Variants in NARS2 observed in about 807,000 individuals in gnomAD.
NARS2 encodes asparaginyl-tRNA synthetase 2, mitochondrial.
A neutral mutation model predicts 62.9 loss-of-function variants in NARS2; 60 were observed. That is an observed-to-expected ratio of 0.95 (90% CI 0.77 to 1.18). NARS2 has a LOEUF of 1.18. Among genes scored for constraint, NARS2 ranks in the 50% most tolerant of loss-of-function variants. The pLI, the probability that NARS2 is intolerant of heterozygous loss-of-function variation, is 0.00. For synonymous variants in NARS2, 196 were observed against 200.0 expected, an observed-to-expected ratio of 0.98 and a Z score of 0.17; for missense variants, 619 against 576.4, an observed-to-expected ratio of 1.07 and a Z score of -0.76.
Position 78,505,344 on chromosome 11 carries a change from T to A in NARS2, c.690-12149A>T, listed in dbSNP as rs549555066. Reference sequence around the variant, plus strand: ...CACACATACGTATGTATATATCTTATGTTAAAAGAGAAAAAGAAATTTCAG... The same window carrying A: ...CACACATACGTATGTATATATCTTAAGTTAAAAGAGAAAAAGAAATTTCAG... On this transcript the variant is annotated intron_variant, in intron 6 of 13. Transcript: ENST00000281038. Among the ~76,000 whole-genome samples, 28 of 150,480 alleles carry A rather than the reference T, an allele frequency of 1.9e-4. No individual in the cohort carries two copies. The South Asian group carries it at 5.5e-3, about 30-fold the overall frequency.
intron 6 of NARS2, among the ~76,000 whole-genome samples, chr11:78,512,346 T>C (rs1860750251): frequency 6.6e-6 from 1 of 152,244 alleles, no homozygotes; most frequent in African/African-American, 2.4e-5. Context: ...CAGCTATTTC[T>C]TCCTGGCCAC....
At chr11:78,519,489 AT>A (rs1177995916) in intron 6 of NARS2, among the ~76,000 whole-genome samples, 4 of 152,222 alleles carry the variant, frequency 2.6e-5, no homozygotes, top group African/African-American at 9.6e-5. Flanking sequence ...ATTGTTATAT[AT>A]TCTTCCAATC....
chr11:78,537,668 G>T (rs1271992583), intron 5 of NARS2, among the ~76,000 whole-genome samples: 1 of 152,172 alleles, frequency 6.6e-6, no homozygotes, highest in Non-Finnish European at 1.5e-5. Flanking sequence ...GTGCATGGAG[G>T]CACGTGCCTG....
At chr11:78,465,002 T>C (rs1858557175) in intron 11 of NARS2, among the ~76,000 whole-genome samples, 1 of 152,212 alleles carries the variant, frequency 6.6e-6, no homozygotes, top group Non-Finnish European at 1.5e-5. Context: ...TCAATGGGAC[T>C]GGGCGCCGTG....
intron 11 of NARS2, among the ~76,000 whole-genome samples, chr11:78,460,213 TA>T (rs1858340426): frequency 6.6e-6 from 1 of 151,544 alleles, no homozygotes; most frequent in East Asian, 1.9e-4. Context: ...GCTTTTATCC[TA>T]AGAGCAAAGG....
At chr11:78,487,199 T>A (rs553014073) in intron 7 of NARS2, among the ~76,000 whole-genome samples, 26 of 151,546 alleles carry the variant, frequency 1.7e-4, no homozygotes, top group South Asian at 1.5e-3. Context: ...CTGATAACAG[T>A]ACAAAAATTA....
At position 78,454,374 on chromosome 11, in the gene NARS2, G is replaced by C. The variant is rs576960758; in HGVS notation, c.1165-10616C>G. On this transcript the variant is annotated intron_variant, in intron 11 of 13. Coordinates refer to ENST00000281038, the MANE Select transcript of NARS2 (RefSeq NM_024678.6). ...CTCATGAATGGCGTTGTGCCATTCC[G>C]ATGGTAATGGCTTCTTGCTCTATTA... 2.0e-5 allele frequency among the ~76,000 whole-genome samples: 3 copies of C among 152,264 alleles called. No homozygotes were observed. In the East Asian group the frequency reaches 5.8e-4, roughly 29 times the overall value.
At chr11:78,548,112 G>A (rs139480933) in intron 5 of NARS2, among the ~76,000 whole-genome samples, 2 of 152,292 alleles carry the variant, frequency 1.3e-5, no homozygotes, top group East Asian at 1.9e-4. Context: ...CTACACAGGA[G>A]GCTGAGGTGG....
chr11:78,560,975 G>A (rs988270408), intron 4 of NARS2, among the ~76,000 whole-genome samples: 2 of 152,176 alleles, frequency 1.3e-5, no homozygotes, highest in Non-Finnish European at 2.9e-5. Flanking sequence ...AAGGAAACGA[G>A]GGTGGGGAAG....
chr11:78,574,307 G>C (rs1857037287), intron 1 of NARS2, 41 bp downstream of exon 1: 3 of 1,613,182 alleles, frequency 1.9e-6, no homozygotes, highest in Middle Eastern at 1.6e-4. Flanking sequence ...CCATATAAAA[G>C]TCCCTACAAG....
At chr11:78,562,556 T>C (rs1316064452) in intron 4 of NARS2, among the ~76,000 whole-genome samples, 1 of 152,154 alleles carries the variant, frequency 6.6e-6, no homozygotes, top group Non-Finnish European at 1.5e-5. Context: ...AAGAGCAGAA[T>C]CTTTTCTACT....
intron 7 of NARS2, among the ~76,000 whole-genome samples, chr11:78,486,970 T>C (rs1859600664): frequency 6.6e-6 from 1 of 152,180 alleles, no homozygotes; most frequent in Non-Finnish European, 1.5e-5. Context: ...TTTCACAGGA[T>C]GGGCTCATTA....
At chr11:78,574,288 G>A in intron 1 of NARS2, 60 bp downstream of exon 1, 4 of 1,602,510 alleles carry the variant, frequency 2.5e-6, no homozygotes, top group South Asian at 1.1e-5. Context: ...AAAGCTAGAT[G>A]TGGATGTGCC....
chr11:78,570,455 T>C (rs1354118236), intron 2 of NARS2, among the ~76,000 whole-genome samples: 2 of 152,214 alleles, frequency 1.3e-5, no homozygotes, highest in African/African-American at 2.4e-5. Context: ...TGGCAAGATC[T>C]TGGCTCACCA....
At position 78,539,876 on chromosome 11, in the gene NARS2, C is replaced by T. The variant is rs916018268; in HGVS notation, c.595-10940G>A. ...GCATTCATATAGTCTATCAACAAAA[C>T]CACGTGGATTTGAGCTATCTGATAA... On this transcript the variant is annotated intron_variant, in intron 5 of 13. Transcript: ENST00000281038. Among the ~76,000 whole-genome samples the T allele has an allele frequency of 2.6e-5, 4 of 152,168 alleles. No homozygotes were observed. In the East Asian group the frequency reaches 5.8e-4, roughly 22 times the overall value.
At chr11:78,454,150 C>T (rs1285074690) in intron 11 of NARS2, among the ~76,000 whole-genome samples, 2 of 152,174 alleles carry the variant, frequency 1.3e-5, no homozygotes, top group Non-Finnish European at 2.9e-5. Flanking sequence ...TAAACGGCAC[C>T]ACTCTACTTT....
chr11:78,449,980 T>C (rs1214245119), intron 11 of NARS2, among the ~76,000 whole-genome samples: 1 of 152,176 alleles, frequency 6.6e-6, no homozygotes, highest in Non-Finnish European at 1.5e-5. Flanking sequence ...TTGGGGCAGA[T>C]GGGAAAAAGA....
intron 11 of NARS2, among the ~76,000 whole-genome samples, chr11:78,457,224 A>G (rs1184173655): frequency 4.6e-5 from 7 of 152,246 alleles, no homozygotes; most frequent in African/African-American, 1.4e-4. Flanking sequence ...CTGTAAAAAC[A>G]TACCATTTTA....
chr11:78,442,206 G>A (rs1350963412), intron 12 of NARS2, among the ~76,000 whole-genome samples: 1 of 152,202 alleles, frequency 6.6e-6, no homozygotes. Flanking sequence ...CTTGCCATGT[G>A]TGATTTTTAT....
Sources: allele counts gnomAD v4.1 joint callset (sites outside exome capture counted in the v4.1 genomes callset), GRCh38; gene constraint gnomAD v4.1.1; transcripts MANE v1.5; gene names NCBI Gene and HGNC (gene_info 2026-07-23, HGNC 2026-07-21).